The following CA10 variants were observed in gnomAD, a reference collection of about 807,000 sequenced individuals.
The protein encoded by CA10 is carbonic anhydrase-related protein 10.
Under a neutral mutation model 44.2 loss-of-function variants are expected in CA10, and 14 were observed. The observed-to-expected ratio is 0.32, with a 90% CI of 0.21 to 0.50. The LOEUF (loss-of-function observed/expected upper bound fraction) is 0.50. Ranked by LOEUF, CA10 falls within the 20% of genes least tolerant of loss-of-function variation. The pLI, the probability that CA10 is intolerant of heterozygous loss-of-function variation, is 0.99. For synonymous variants in CA10, 159 were observed against 141.6 expected (o/e 1.12, Z -0.87); for missense variants, 350 against 409.7 (o/e 0.85, Z 1.26).
chr17:51,796,275 G>A (rs1014090070), intron 3 of CA10, among the ~76,000 whole-genome samples: 4 of 151,790 alleles, frequency 2.6e-5, no homozygotes, highest in African/African-American at 9.7e-5. Context: ...CCTTGTCTGC[G>A]ATCTCATGGA....
rs561541369 is a variant in CA10, at chr17:51,889,924, C to G, written c.279+41066G>C. Among the ~76,000 whole-genome samples the G allele has an allele frequency of 2.2e-4, 33 of 152,296 alleles. No individual in the cohort carries two copies. The South Asian group carries it at 2.3e-3, about 11-fold the overall frequency. ...CTTTGAGACTTTCTGACCTCAATCC[C>G]TAGACAGAAAAAGAGTTGGTGTCTC... On this transcript the variant is annotated intron_variant, in intron 3 of 8. Coordinates refer to ENST00000451037, the MANE Select transcript of CA10 (RefSeq NM_020178.5).
At chr17:52,094,242 A>G (rs544587621) in intron 1 of CA10, among the ~76,000 whole-genome samples, 1 of 152,210 alleles carries the variant, frequency 6.6e-6, no homozygotes, top group Admixed American at 6.5e-5. Flanking sequence ...TACCTATGTA[A>G]GAAAACTGCA....
intron 1 of CA10, among the ~76,000 whole-genome samples, chr17:52,115,638 C>T (rs917175115): frequency 2.6e-5 from 4 of 152,202 alleles, no homozygotes; most frequent in African/African-American, 9.6e-5. Flanking sequence ...ATGCACAGGA[C>T]AGATGGGTGA....
At chr17:51,944,668 A>ATGTGCAC (rs1292122360) in intron 2 of CA10, among the ~76,000 whole-genome samples, 1 of 152,146 alleles carries the variant, frequency 6.6e-6, no homozygotes, top group Non-Finnish European at 1.5e-5. Flanking sequence ...ATATAAAACA[A>ATGTGCAC]TGTGCACTGG....
intron 1 of CA10, among the ~76,000 whole-genome samples, chr17:52,149,606 G>T (rs938378592): frequency 5.3e-5 from 8 of 152,176 alleles, no homozygotes; most frequent in African/African-American, 1.9e-4. Flanking sequence ...CTGCAAAAAA[G>T]TTACAGAAAA....
At chr17:52,019,671 C>T (rs1986074810) in intron 2 of CA10, among the ~76,000 whole-genome samples, 1 of 151,914 alleles carries the variant, frequency 6.6e-6, no homozygotes, top group Non-Finnish European at 1.5e-5. Flanking sequence ...GTGTTTGCCA[C>T]CAAAAATCTA....
intron 3 of CA10, among the ~76,000 whole-genome samples, chr17:51,845,871 C>T (rs533217961): frequency 7.9e-4 from 120 of 152,292 alleles, no homozygotes; most frequent in African/African-American, 2.1e-3. Flanking sequence ...ATATTTCAAA[C>T]GTGATCTGAA....
intron 6 of CA10, among the ~76,000 whole-genome samples, chr17:51,643,440 G>A (rs1045069145): frequency 1.3e-5 from 2 of 152,108 alleles, no homozygotes; most frequent in Admixed American, 1.3e-4. Context: ...TGTTGAAGGG[G>A]AATTTGACTT....
intron 2 of CA10, among the ~76,000 whole-genome samples, chr17:52,053,272 G>A (rs561584892): frequency 6.6e-6 from 1 of 152,078 alleles, no homozygotes; most frequent in South Asian, 2.1e-4. Context: ...TAACTGCAGA[G>A]GAAATCATAC....
At chr17:52,000,242 C>T (rs968408506) in intron 2 of CA10, among the ~76,000 whole-genome samples, 1 of 152,018 alleles carries the variant, frequency 6.6e-6, no homozygotes, top group Admixed American at 6.6e-5. Flanking sequence ...TGTGACGAAG[C>T]CTGTGATGAA....
intron 2 of CA10, among the ~76,000 whole-genome samples, chr17:52,021,534 T>G (rs1598170643): frequency 2.6e-5 from 4 of 152,252 alleles, no homozygotes; most frequent in Admixed American, 2.6e-4. Context: ...AACTTTGATT[T>G]GCATTTCTCT....
chr17:51,749,010 G>A (rs555398749), intron 3 of CA10, among the ~76,000 whole-genome samples: 120 of 152,218 alleles, frequency 7.9e-4, no homozygotes, highest in Non-Finnish European at 1.5e-3. Context: ...GGTTGGGAGG[G>A]GTCATGACAA....
rs988000556 is a variant in CA10 at position 51,987,824 on chromosome 17, G to A, written c.137-56692C>T. 2.6e-5 allele frequency among the ~76,000 whole-genome samples: 4 copies of A among 151,888 alleles called. No individual in the cohort carries two copies. In the East Asian group the frequency reaches 7.7e-4, roughly 29 times the overall value. On this transcript the variant is annotated intron_variant, in intron 2 of 8. Coordinates refer to ENST00000451037, the MANE Select transcript of CA10 (RefSeq NM_020178.5). ...AATTCAAGGGAAAAACAAAATTTGAGGGAATTTGTCATCAGCAGACTTGCC... is the reference window on the plus strand; with the variant it reads ...AATTCAAGGGAAAAACAAAATTTGAAGGAATTTGTCATCAGCAGACTTGCC...
intron 3 of CA10, among the ~76,000 whole-genome samples, chr17:51,779,814 C>T (rs2143674402): frequency 6.6e-6 from 1 of 152,266 alleles, no homozygotes; most frequent in African/African-American, 2.4e-5. Context: ...TCATGTGCCT[C>T]TTGTCATAGA....
rs80294211 is a variant in CA10, at chr17:52,002,475, A to T, written c.136+69844T>A. ...GGTCATCGAACAGAGAATGTAGAGG[A>T]GGCAAGATGGATAATTATGGAGTCA... is the stretch of plus-strand genomic sequence containing the variant. On this transcript the variant is annotated intron_variant, in intron 2 of 8. Coordinates refer to ENST00000451037, the MANE Select transcript of CA10 (RefSeq NM_020178.5). 6.1e-3 allele frequency among the ~76,000 whole-genome samples: 922 copies of T among 152,084 alleles called. 46 individuals carry two copies. The highest frequency in any genetic ancestry group is 0.044 in the Admixed American group (664 of 15,264).
At chr17:51,632,209 A>G (rs769089947) in intron 8 of CA10, among the ~76,000 whole-genome samples, 37 of 152,312 alleles carry the variant, frequency 2.4e-4, no homozygotes, top group Non-Finnish European at 3.4e-4. Context: ...TTATAGAAAA[A>G]GTGTGTAGAC....
At chr17:52,031,223 C>T (rs1392252682) in intron 2 of CA10, among the ~76,000 whole-genome samples, 1 of 150,556 alleles carries the variant, frequency 6.6e-6, no homozygotes, top group African/African-American at 2.4e-5. Flanking sequence ...GATCTCAGCT[C>T]ACTGCTACCT....
chr17:52,102,160 AAC>A (rs1207766464), intron 1 of CA10, among the ~76,000 whole-genome samples: 1 of 152,108 alleles, frequency 6.6e-6, no homozygotes. Flanking sequence ...AACTCCCTAT[AAC>A]ACTCTCTCAG....
intron 3 of CA10, among the ~76,000 whole-genome samples, chr17:51,876,160 GTTTTTTTTTTTTTTT>G (rs3033579): frequency 1.7e-5 from 1 of 59,762 alleles, no homozygotes; most frequent in African/African-American, 7.6e-5. Context: ...TTCTTCTCTC[GTTTTTTTTTTTTTTT>G]TTTTTTTTTT....
Sources: gnomAD v4.1 joint callset for allele counts (sites outside exome capture counted in the v4.1 genomes callset) on GRCh38, gnomAD v4.1.1 for gene constraint, MANE v1.5 for transcripts, NCBI Gene and HGNC (gene_info 2026-07-23, HGNC 2026-07-21) for gene names.